INTU: variants seen among roughly 807,000 people sequenced by gnomAD.
INTU encodes the protein inturned planar cell polarity protein.
A neutral mutation model predicts 100.5 loss-of-function variants in INTU; 68 were observed. That is an observed-to-expected ratio of 0.68 (90% CI 0.56 to 0.83). The LOEUF (loss-of-function observed/expected upper bound fraction) is 0.83. Among genes scored for constraint, INTU ranks in the 40% least tolerant of loss-of-function variants. INTU has a pLI of 0.00. For missense variants in INTU, 1,071 were observed against 1,114.7 expected, an observed-to-expected ratio of 0.96 and a Z score of 0.56; for synonymous variants, 357 against 395.7, an observed-to-expected ratio of 0.90 and a Z score of 1.16.
intron 2 of INTU, among the ~76,000 whole-genome samples, chr4:127,652,949 G>A (rs1727968584): frequency 6.8e-6 from 1 of 147,086 alleles, no homozygotes; most frequent in Non-Finnish European, 1.5e-5. Context: ...TTTAGTCTTG[G>A]GAGAGTGTAT....
intron 1 of INTU, among the ~76,000 whole-genome samples, chr4:127,633,614 A>T (rs940117841): frequency 6.6e-6 from 1 of 152,118 alleles, no homozygotes; most frequent in Non-Finnish European, 1.5e-5. Context: ...TGTTAAATTT[A>T]TGTAGATTTT....
rs78003210 is a variant in INTU, at chr4:127,701,528, G to A, written c.1503+1465G>A. On this transcript the variant is annotated intron_variant, in intron 9 of 15. Coordinates refer to ENST00000335251, the MANE Select transcript of INTU (RefSeq NM_015693.4). ...AAATAATTCTTTATATTGTGATAATGGTATGATTATATGTATTTTAAGATT... is the reference window on the plus strand; with the variant it reads ...AAATAATTCTTTATATTGTGATAATAGTATGATTATATGTATTTTAAGATT... Among the ~76,000 whole-genome samples the A allele has an allele frequency of 5.3e-4, 80 of 152,134 alleles. No individual in the cohort carries two copies. In the East Asian group the frequency reaches 0.014, roughly 26 times the overall value.
chr4:127,688,549 A>G (rs563501671), intron 8 of INTU, among the ~76,000 whole-genome samples: 1 of 152,230 alleles, frequency 6.6e-6, no homozygotes, highest in African/African-American at 2.4e-5. Flanking sequence ...TCTTGAAGAA[A>G]CCTAGGCTAT....
rs374354771 is a variant in INTU at position 127,680,950 on chromosome 4, T to C, written c.1182-3459T>C. 3.0e-4 allele frequency among the ~76,000 whole-genome samples: 46 copies of C among 151,866 alleles called. No individual in the cohort carries two copies. In the East Asian group the frequency reaches 5.1e-3, roughly 17 times the overall value. On this transcript the variant is annotated intron_variant, in intron 6 of 15. Transcript: ENST00000335251. ...TACAAAAATCACAAGCATTCTTATA[T>C]ACCAATAACAGACAAACAGAGAGCC...
At chr4:127,644,188 C>A in intron 2 of INTU, 132 bp downstream of exon 2, 1 of 966,810 alleles carries the variant, frequency 1.0e-6, no homozygotes, top group Non-Finnish European at 1.5e-6. Flanking sequence ...ACATTTGGTA[C>A]AGTAGAGAAA....
chr4:127,703,681 AT>A (rs1385657640), intron 9 of INTU, among the ~76,000 whole-genome samples: 3 of 152,058 alleles, frequency 2.0e-5, no homozygotes, highest in African/African-American at 7.2e-5. Flanking sequence ...CCATTCCTCC[AT>A]TGTTGAATTT....
At chr4:127,711,253 T>A (rs1285561696) in intron 14 of INTU, 151 bp downstream of exon 14, 2 of 519,128 alleles carry the variant, frequency 3.9e-6, no homozygotes, top group Admixed American at 7.2e-5. Context: ...AAAACAATTA[T>A]ACTCACAGTA....
rs963937554 is a variant in INTU, at chr4:127,706,864, T to C, written c.2166T>C (p.Gly722=). The C allele has an allele frequency of 1.3e-5, 21 of 1,614,038 alleles. 1 individual carries two copies. Among genetic ancestry groups the C allele is most frequent in the Non-Finnish European group, 8.5e-6 (10 of 1,179,982 alleles). ...SSGGSDNGCE[G]GEDDGFSPHT... ...GAGGATCTGACAATGGTTGTGAAGGTGGAGAAGATGATGGCTTTAGCCCCC... is the reference window on the plus strand; with the variant it reads ...GAGGATCTGACAATGGTTGTGAAGGCGGAGAAGATGATGGCTTTAGCCCCC... The change falls in exon 12 of 16, where the codon GGT becomes GGC. Residue 722 remains glycine (G), a synonymous_variant. Transcript: ENST00000335251.
At chr4:127,687,352 C>A (rs1370646954) in intron 7 of INTU, 2 of 158,630 alleles carry the variant, frequency 1.3e-5, no homozygotes, top group Non-Finnish European at 2.8e-5. Flanking sequence ...AAAAGACAGT[C>A]AGAGGTAAAA....
At chr4:127,681,354 A>T (rs193024483) in intron 6 of INTU, among the ~76,000 whole-genome samples, 127 of 152,326 alleles carry the variant, frequency 8.3e-4, no homozygotes, top group South Asian at 2.7e-3. Context: ...TTCAAACTAT[A>T]CTACAAGGCT....
chr4:127,660,147 A>G (rs1253655320), intron 3 of INTU, among the ~76,000 whole-genome samples: 1 of 152,160 alleles, frequency 6.6e-6, no homozygotes. Context: ...CAGAAGAGAG[A>G]TGATAAAGGC....
chr4:127,678,637 C>T (rs1578587697), intron 6 of INTU, among the ~76,000 whole-genome samples: 1 of 152,200 alleles, frequency 6.6e-6, no homozygotes. Flanking sequence ...GTACCGGCCA[C>T]TGCAAAATCA....
chr4:127,725,886 A>G lies in INTU; in HGVS notation c.*9450A>G, dbSNP rs565511526. On this transcript the variant is annotated 3_prime_UTR_variant, in exon 16 of 16. Transcript: ENST00000335251. ...ATATGTTCAGAATCACATCTGAAAC[A>G]TCAAACTGATTATCAGACAATAAAG... 2 of 152,336 alleles carry G rather than the reference A, an allele frequency of 1.3e-5. No homozygotes were observed. Among genetic ancestry groups the G allele is most frequent in the Admixed American group, 1.3e-4 (2 of 15,304 alleles). The allele number at this position is 152,336 out of a possible 1,614,324, so 9.4% of individuals were successfully genotyped here. A position where few individuals can be genotyped will look rare whatever the true frequency, so the allele number is the denominator to read the frequency against.
chr4:127,680,605 C>CAAAAAAAAAAA, intron 6 of INTU, among the ~76,000 whole-genome samples: 1 of 90,508 alleles, frequency 1.1e-5, no homozygotes, highest in Non-Finnish European at 2.3e-5. Flanking sequence ...GGACGTATCT[C>CAAAAAAAAAAA]AAAATAAGAG....
At chr4:127,698,489 G>A (rs910291006) in intron 8 of INTU, among the ~76,000 whole-genome samples, 16 of 151,414 alleles carry the variant, frequency 1.1e-4, no homozygotes, top group Middle Eastern at 3.5e-3. Context: ...TCGTGTGTGA[G>A]GTAACATGCC....
Position 127,724,359 on chromosome 4 carries a change from G to T in INTU, c.*7923G>T, listed in dbSNP as rs1731388861. 6.6e-6 allele frequency: 1 copy of T among 150,954 alleles called. No individual in the cohort carries two copies. The highest frequency in any genetic ancestry group is 1.5e-5 in the Non-Finnish European group (1 of 68,006). The allele number at this position is 150,954 out of a possible 1,614,324, so 9.4% of individuals were successfully genotyped here. On this transcript the variant is annotated 3_prime_UTR_variant, in exon 16 of 16. Coordinates refer to ENST00000335251, the MANE Select transcript of INTU (RefSeq NM_015693.4). Reference sequence around the variant, plus strand: ...CGCTTGAACCCAGGAAGCAGAGGTTGCAGTGAGCCAAGATCACACCACCGC... The same window carrying T: ...CGCTTGAACCCAGGAAGCAGAGGTTTCAGTGAGCCAAGATCACACCACCGC...
intron 8 of INTU, among the ~76,000 whole-genome samples, chr4:127,697,969 A>G (rs935738403): frequency 1.8e-4 from 28 of 152,280 alleles, no homozygotes; most frequent in Admixed American, 1.3e-4. Context: ...AAAAATACAA[A>G]ATAAGCTGGG....
At position 127,710,949 on chromosome 4, in the gene INTU, C is replaced by A; in HGVS notation, c.2406C>A (p.Tyr802Ter). The A allele has an allele frequency of 6.6e-7, 1 of 1,524,312 alleles. No homozygotes were observed. The highest frequency in any genetic ancestry group is 8.9e-7 in the Non-Finnish European group (1 of 1,121,456). 94.4% of individuals were successfully genotyped at this position (1,524,312 alleles called of 1,614,324 possible). A position where few individuals can be genotyped will look rare whatever the true frequency, so the allele number is the denominator to read the frequency against. The change falls in exon 14 of 16, where the codon TAC (tyrosine) becomes TAA (stop). Residue 802 changes from tyrosine to a stop codon, truncating the protein, a stop_gained. Transcript: ENST00000335251. LOFTEE classifies it high-confidence loss of function. ...TSGPENTLFH[Y>*]VALETVQGIF... ...GTCCTGAGAACACACTTTTCCACTA[C>A]GTTGCCTTAGAAACAGTGCAAGGAA...
chr4:127,711,985 A>T (rs1731112778), intron 14 of INTU, among the ~76,000 whole-genome samples: 1 of 152,230 alleles, frequency 6.6e-6, no homozygotes, highest in Non-Finnish European at 1.5e-5. Flanking sequence ...AATGGCAGGA[A>T]AAGATAGGTG....
Sources: allele counts gnomAD v4.1 joint callset (sites outside exome capture counted in the v4.1 genomes callset), GRCh38; gene constraint gnomAD v4.1.1; transcripts MANE v1.5; gene names NCBI Gene and HGNC (gene_info 2026-07-23, HGNC 2026-07-21).